Variants in WRN observed in about 807,000 individuals in gnomAD.
The protein encoded by WRN is bifunctional 3'-5' exonuclease/ATP-dependent helicase WRN.
WRN carries 149 observed loss-of-function variants against 180.7 expected under a neutral mutation model. The ratio of observed to expected loss-of-function variants is 0.82; its 90% CI spans 0.72 to 0.94. The LOEUF (loss-of-function observed/expected upper bound fraction) is 0.94, where lower values mean the gene tolerates loss of function less well. WRN is among the 40% of genes least tolerant of loss of function. The pLI is 0.00. For missense variants in WRN, 1,661 were observed against 1,700.1 expected, an observed-to-expected ratio of 0.98 and a Z score of 0.40; for synonymous variants, 548 against 568.9, an observed-to-expected ratio of 0.96 and a Z score of 0.52.
intron 21 of WRN, among the ~76,000 whole-genome samples, chr8:31,123,980 G>A (rs1801822634): frequency 6.6e-6 from 1 of 152,046 alleles, no homozygotes; most frequent in African/African-American, 2.4e-5. Context: ...TCTAATACTT[G>A]ACTGGTGTCC....
At chr8:31,039,976 T>C (rs1184780787) in intron 1 of WRN, among the ~76,000 whole-genome samples, 4 of 152,148 alleles carry the variant, frequency 2.6e-5, no homozygotes, top group African/African-American at 7.2e-5. Flanking sequence ...GCATAGGCCA[T>C]AGGGAAAAGC....
Position 31,053,053 on chromosome 8 carries a change from C to CA in WRN, c.-76-5314dup, listed in dbSNP as rs146947589. Among the ~76,000 whole-genome samples the CA allele has an allele frequency of 8.3e-3, 1,259 of 152,224 alleles. 16 individuals are homozygous for CA. Among genetic ancestry groups the CA allele is most frequent in the African/African-American group, 0.029 (1,210 of 41,544 alleles). On this transcript the variant is annotated intron_variant, in intron 1 of 34. Transcript: ENST00000298139. ...ACACTAATCCAGAAGATTATTTAATCAAAAAGGCATTCATTTCAGATATGA... is the reference window on the plus strand; with the variant it reads ...ACACTAATCCAGAAGATTATTTAATCAAAAAAGGCATTCATTTCAGATATGA...
intron 23 of WRN, among the ~76,000 whole-genome samples, chr8:31,130,004 C>CAAAAA (rs374855114): frequency 6.8e-4 from 53 of 77,964 alleles, no homozygotes; most frequent in Non-Finnish European, 8.7e-4. Flanking sequence ...ACTCTTGTCT[C>CAAAAA]AAAAAAAAAA....
intron 16 of WRN, among the ~76,000 whole-genome samples, chr8:31,093,470 G>A (rs2130187326): frequency 6.6e-6 from 1 of 152,158 alleles, no homozygotes; most frequent in East Asian, 1.9e-4. Flanking sequence ...ATATAGCACA[G>A]TTTGTTTTTA....
chr8:31,058,542 AG>A lies in WRN; in HGVS notation c.96+1del, dbSNP rs755891046. On this transcript the variant is annotated frameshift_variant and splice_region_variant, in exon 2 of 35. Transcript: ENST00000298139. LOFTEE classifies it high-confidence loss of function. ...QNKRCAVEER[K>X]ACVRKSVFED... ...AAAAGATGTGCTGTAGAAGAAAGAA[AG>A]GTATGTTGTTCATTGACTATTCTTT... The A allele has an allele frequency of 6.2e-7, 1 of 1,613,448 alleles. No individual in the cohort carries two copies. The highest frequency in any genetic ancestry group is 2.2e-5 in the East Asian group (1 of 44,806).
Position 31,154,559 on chromosome 8 carries a change from C to CAT in WRN, c.3688-63_3688-62dup, listed in dbSNP as rs1803297297. On this transcript the variant is annotated intron_variant, in intron 31 of 34. Transcript: ENST00000298139. ...TATTTTTTTCTTAATGGCTAATTAT[C>CAT]ATACATATATTCTATTATTGTATTG... is the stretch of plus-strand genomic sequence containing the variant. 3 of 1,514,214 alleles carry CAT rather than the reference C, an allele frequency of 2.0e-6. No individual in the cohort carries two copies. In the African/African-American group the frequency reaches 4.2e-5, roughly 21 times the overall value. The allele number at this position is 1,514,214 out of a possible 1,614,324, so 93.8% of individuals were successfully genotyped here. A position where few individuals can be genotyped will look rare whatever the true frequency, so the allele number is the denominator to read the frequency against.
At chr8:31,135,686 C>T (rs376172396) in intron 24 of WRN, among the ~76,000 whole-genome samples, 279 of 152,192 alleles carry the variant, frequency 1.8e-3, no homozygotes, top group Middle Eastern at 6.8e-3. Context: ...TGGATTTGGA[C>T]ATTCACTCAG....
intron 3 of WRN, among the ~76,000 whole-genome samples, chr8:31,060,437 T>C (rs1812445857): frequency 6.6e-6 from 1 of 151,940 alleles, no homozygotes; most frequent in African/African-American, 2.4e-5. Flanking sequence ...TGGTCCCAGC[T>C]ACTCAGGAGG....
intron 34 of WRN, among the ~76,000 whole-genome samples, chr8:31,170,652 T>TG (rs1804067113): frequency 6.6e-6 from 1 of 152,186 alleles, no homozygotes; most frequent in Admixed American, 6.5e-5. Context: ...GGTAATAGCT[T>TG]GGTAACAGAG....
chr8:31,145,040 T>G (rs1288392993), intron 28 of WRN, among the ~76,000 whole-genome samples: 1 of 152,106 alleles, frequency 6.6e-6, no homozygotes, highest in Non-Finnish European at 1.5e-5. Flanking sequence ...GTTCATGAGG[T>G]TTAAGGAAAG....
chr8:31,130,130 C>G (rs1485722134), intron 23 of WRN, among the ~76,000 whole-genome samples: 1 of 151,438 alleles, frequency 6.6e-6, no homozygotes, highest in Non-Finnish European at 1.5e-5. Flanking sequence ...CAAGACCAGT[C>G]TGGGCAACAT....
intron 8 of WRN, among the ~76,000 whole-genome samples, chr8:31,077,247 CTT>C (rs1274130989): frequency 6.6e-6 from 1 of 151,826 alleles, no homozygotes; most frequent in Non-Finnish European, 1.5e-5. Flanking sequence ...AAAGATGTAA[CTT>C]TCTTTTTTTT....
chr8:31,099,459 A>C (rs1814126396), intron 17 of WRN, among the ~76,000 whole-genome samples: 1 of 152,056 alleles, frequency 6.6e-6, no homozygotes, highest in South Asian at 2.1e-4. Context: ...AAGCCAAAAC[A>C]GTGATAATAT....
chr8:31,069,602 A>T (rs1812832907), intron 7 of WRN, among the ~76,000 whole-genome samples: 1 of 152,276 alleles, frequency 6.6e-6, no homozygotes, highest in African/African-American at 2.4e-5. Context: ...GATTTAAAGT[A>T]TACAGGACAA....
chr8:31,110,535 AAGT>A (rs1390170965), intron 18 of WRN, among the ~76,000 whole-genome samples: 7 of 152,124 alleles, frequency 4.6e-5, no homozygotes, highest in African/African-American at 4.8e-5. Context: ...GTGATTGAAA[AAGT>A]AGTTTATAAT....
At chr8:31,038,533 T>A (rs1283689204) in intron 1 of WRN, among the ~76,000 whole-genome samples, 1 of 152,178 alleles carries the variant, frequency 6.6e-6, no homozygotes, top group African/African-American at 2.4e-5. Context: ...CACTTTTTGA[T>A]ATTGTTCTTT....
chr8:31,095,254 C>G (rs1333814143), intron 16 of WRN, among the ~76,000 whole-genome samples: 1 of 149,086 alleles, frequency 6.7e-6, no homozygotes, highest in Non-Finnish European at 1.5e-5. Context: ...AGTATCTGTT[C>G]AAATCTTTTG....
intron 3 of WRN, among the ~76,000 whole-genome samples, chr8:31,062,160 C>G (rs993637912): frequency 6.6e-6 from 1 of 152,154 alleles, no homozygotes; most frequent in Non-Finnish European, 1.5e-5. Flanking sequence ...CCTGTACTGC[C>G]TGTTGTCTAG....
intron 17 of WRN, among the ~76,000 whole-genome samples, chr8:31,100,474 T>A (rs1814179628): frequency 6.6e-6 from 1 of 152,138 alleles, no homozygotes; most frequent in African/African-American, 2.4e-5. Flanking sequence ...TTATCTCTTT[T>A]AATAGCTAAT....
Sources: allele counts gnomAD v4.1 joint callset (sites outside exome capture counted in the v4.1 genomes callset), GRCh38; gene constraint gnomAD v4.1.1; transcripts MANE v1.5; gene names NCBI Gene and HGNC (gene_info 2026-07-23, HGNC 2026-07-21).